SORT1: variants seen among roughly 807,000 people sequenced by gnomAD.
SORT1 encodes the protein sortilin 1.
SORT1 carries 39 observed loss-of-function variants against 101.7 expected under a neutral mutation model. That is an observed-to-expected ratio of 0.38 (90% CI 0.30 to 0.50). The LOEUF is 0.50. Among genes scored for constraint, SORT1 ranks in the 20% least tolerant of loss-of-function variants. SORT1 has a pLI of 0.90. For synonymous variants in SORT1, 396 were observed against 393.7 expected (o/e 1.01, Z -0.07); for missense variants, 878 against 1,040.4 (o/e 0.84, Z 2.15).
In SORT1 at chr1:109,345,852, T is replaced by G; in HGVS notation, c.862A>C (p.Arg288=). The part of the protein sequence containing the change: ...KADLGALELW[R]TSDLGKSFKT... ...AAGCTTTTTCCCAAGTCTGAAGTTCTCCATAATTCCAGAGCCCCAAGGTCA... is the reference window on the plus strand; with the variant it reads ...AAGCTTTTTCCCAAGTCTGAAGTTCGCCATAATTCCAGAGCCCCAAGGTCA... The change falls in exon 8 of 20, where the codon AGA becomes CGA. Residue 288 remains arginine, a synonymous_variant. Coordinates refer to ENST00000256637, the MANE Select transcript of SORT1 (RefSeq NM_002959.7). The G allele has an allele frequency of 6.2e-7, 1 of 1,613,300 alleles. No individual in the cohort carries two copies. Among genetic ancestry groups the G allele is most frequent in the Non-Finnish European group, 8.5e-7 (1 of 1,179,384 alleles).
In SORT1 at chr1:109,324,930, G is replaced by A; in HGVS notation, c.1803C>T (p.Thr601=). 1.2e-6 allele frequency: 2 copies of A among 1,611,622 alleles called. No homozygotes were observed. The highest frequency in any genetic ancestry group is 8.5e-7 in the Non-Finnish European group (1 of 1,178,310). ...TTTCAAGGATATCTTTAAAATCAAT[G>A]GTGTAGGAGACCCACTGGCTGGTCA... ...SFLTSQWVSY[T]IDFKDILERN... Residue 601 remains threonine (T), a synonymous_variant, in exon 14 of 20, where the codon ACC becomes ACT. Transcript: ENST00000256637.
chr1:109,315,436 C>T (rs1658971926), intron 17 of SORT1, among the ~76,000 whole-genome samples: 1 of 151,964 alleles, frequency 6.6e-6, no homozygotes, highest in Admixed American at 6.6e-5. Context: ...AGGAGAGTCA[C>T]CAGGAGCCCA....
intron 11 of SORT1, among the ~76,000 whole-genome samples, chr1:109,328,084 AGTGT>A (rs903048191): frequency 6.6e-5 from 10 of 152,154 alleles, no homozygotes; most frequent in Admixed American, 3.9e-4. Context: ...ATATTATTTA[AGTGT>A]GTGTGTGTAT....
intron 6 of SORT1, among the ~76,000 whole-genome samples, chr1:109,348,730 C>T (rs906048741): frequency 6.6e-6 from 1 of 152,072 alleles, no homozygotes; most frequent in African/African-American, 2.4e-5. Context: ...TGGTCTCAAG[C>T]AATCCTTCCA....
At chr1:109,378,609 G>A (rs546828615) in intron 1 of SORT1, among the ~76,000 whole-genome samples, 102 of 149,072 alleles carry the variant, frequency 6.8e-4, no homozygotes, top group African/African-American at 2.3e-3. Flanking sequence ...CAGTATTACC[G>A]AAGAATGTTC....
chr1:109,311,556 G>A lies in SORT1; in HGVS notation c.*2487C>T, dbSNP rs1658731581. 6.6e-6 allele frequency: 1 copy of A among 152,216 alleles called. No homozygotes were observed. The highest frequency in any genetic ancestry group is 1.5e-5 in the Non-Finnish European group (1 of 68,048). The allele number at this position is 152,216 out of a possible 1,614,324, so 9.4% of individuals were successfully genotyped here. ...CAAACCAACAGAGCTAGCCAGCCCGGGGTGGAAACCAGGATGGGGAGGGAG... is the reference window on the plus strand; with the variant it reads ...CAAACCAACAGAGCTAGCCAGCCCGAGGTGGAAACCAGGATGGGGAGGGAG... On this transcript the variant is annotated 3_prime_UTR_variant, in exon 20 of 20. Coordinates refer to ENST00000256637, the MANE Select transcript of SORT1 (RefSeq NM_002959.7).
chr1:109,350,779 G>T, intron 6 of SORT1, 150 bp downstream of exon 6: 1 of 628,020 alleles, frequency 1.6e-6, no homozygotes. Flanking sequence ...CCAGGTCAAG[G>T]CCTGTGTCAC....
At chr1:109,384,562 C>T (rs2101651261) in intron 1 of SORT1, among the ~76,000 whole-genome samples, 1 of 152,334 alleles carries the variant, frequency 6.6e-6, no homozygotes, top group Non-Finnish European at 1.5e-5. Flanking sequence ...TCAATAGCTC[C>T]TGTGGGTATT....
intron 3 of SORT1, among the ~76,000 whole-genome samples, chr1:109,363,103 T>C (rs533393310): frequency 6.6e-6 from 1 of 152,308 alleles, no homozygotes; most frequent in African/African-American, 2.4e-5. Flanking sequence ...CAATTCTCAA[T>C]AGAAACACCA....
chr1:109,322,193 C>T (rs906440525), intron 15 of SORT1, among the ~76,000 whole-genome samples: 10 of 152,102 alleles, frequency 6.6e-5, no homozygotes, highest in African/African-American at 2.4e-4. Context: ...CCGCCTCGGC[C>T]TCCCAAAGTG....
chr1:109,317,090 G>C (rs562812945), intron 16 of SORT1, 132 bp from the exon 17 acceptor site: 4 of 638,014 alleles, frequency 6.3e-6, no homozygotes, highest in South Asian at 5.9e-5. Flanking sequence ...GGCCTGGGGG[G>C]AATGTCCACA....
At position 109,397,846 on chromosome 1, in the gene SORT1, T is replaced by C. The variant is rs1212137615; in HGVS notation, c.47A>G (p.His16Arg). 5.4e-6 allele frequency: 7 copies of C among 1,298,096 alleles called. No individual in the cohort carries two copies. Among genetic ancestry groups the C allele is most frequent in the East Asian group, 3.9e-5 (1 of 25,446 alleles). The allele number at this position is 1,298,096 out of a possible 1,614,324, so 80.4% of individuals were successfully genotyped here. A position where few individuals can be genotyped will look rare whatever the true frequency, so the allele number is the denominator to read the frequency against. The stretch of plus-strand genomic sequence containing the variant: ...CAGGAGGAGGAGGAGGCCGAGGCCA[T>C]GGGGCCAGCGCGAGAGGCCGTCCGC... ...GAADGLSRWPHGLGLLLLLQL... is the reference protein window; with the variant it reads ...GAADGLSRWPRGLGLLLLLQL... Residue 16 changes from histidine to arginine, a missense_variant, in exon 1 of 20, where the codon CAT becomes CGT. Physicochemically the swap from His to Arg is conservative, Grantham distance 29. This residue lies in a region of SORT1 where 194 missense variants were observed against 145.9 expected (regional missense o/e 1.33). Coordinates refer to ENST00000256637, the MANE Select transcript of SORT1 (RefSeq NM_002959.7).
At chr1:109,335,381 A>G (rs1648740807) in intron 11 of SORT1, among the ~76,000 whole-genome samples, 1 of 152,222 alleles carries the variant, frequency 6.6e-6, no homozygotes, top group South Asian at 2.1e-4. Context: ...CAAGGCAGAC[A>G]GATGGGAAAC....
rs142711154 is a variant in SORT1, at chr1:109,339,850, T to C, written c.1264+874A>G. Among the ~76,000 whole-genome samples, 59 of 152,088 alleles carry C rather than the reference T, an allele frequency of 3.9e-4. 1 individual carries two copies. Among genetic ancestry groups the C allele is most frequent in the Non-Finnish European group, 6.2e-4 (42 of 67,940 alleles). The stretch of plus-strand genomic sequence containing the variant: ...TGGAAACAGCCTAAGTGTCCATCAA[T>C]GGAGGAATAAAAAACAGGCTGGGCA... On this transcript the variant is annotated intron_variant, in intron 10 of 19. Coordinates refer to ENST00000256637, the MANE Select transcript of SORT1 (RefSeq NM_002959.7).
intron 1 of SORT1, among the ~76,000 whole-genome samples, chr1:109,379,331 T>C (rs954469052): frequency 4.0e-5 from 6 of 151,660 alleles, no homozygotes; most frequent in African/African-American, 1.5e-4. Context: ...CAAAAAAATC[T>C]CATAATGTTT....
intron 8 of SORT1, among the ~76,000 whole-genome samples, chr1:109,342,908 T>C (rs1280043419): frequency 1.3e-5 from 2 of 152,172 alleles, no homozygotes; most frequent in South Asian, 2.1e-4. Flanking sequence ...TTAGATTAAA[T>C]ACTCTTTAAA....
At chr1:109,323,551 G>C (rs755376947) in intron 14 of SORT1, among the ~76,000 whole-genome samples, 1 of 152,254 alleles carries the variant, frequency 6.6e-6, no homozygotes, top group Non-Finnish European at 1.5e-5. Context: ...TTAGCCAAGA[G>C]CACAGGTTCA....
At chr1:109,343,320 T>A (rs1349065141) in intron 8 of SORT1, among the ~76,000 whole-genome samples, 1 of 152,216 alleles carries the variant, frequency 6.6e-6, no homozygotes, top group East Asian at 1.9e-4. Context: ...AGTGCTTTTG[T>A]CAAGGTCACC....
At chr1:109,372,822 C>T (rs993391801) in intron 1 of SORT1, among the ~76,000 whole-genome samples, 4 of 151,432 alleles carry the variant, frequency 2.6e-5, no homozygotes, top group Non-Finnish European at 4.4e-5. Flanking sequence ...TGGCGTGAAC[C>T]TGGGAGGCGG....
Sources: allele counts gnomAD v4.1 joint callset (sites outside exome capture counted in the v4.1 genomes callset), GRCh38; gene constraint gnomAD v4.1.1; regional missense constraint gnomAD v4.1.1; transcripts MANE v1.5; gene names NCBI Gene and HGNC (gene_info 2026-07-23, HGNC 2026-07-21).